The following PDE10A variants were observed in gnomAD, a reference collection of about 807,000 sequenced individuals.
PDE10A encodes the protein phosphodiesterase 10A.
In PDE10A, 39 loss-of-function variants were observed where a neutral mutation model predicts 97.7. That is an observed-to-expected ratio of 0.40 (90% CI 0.31 to 0.52). The LOEUF (loss-of-function observed/expected upper bound fraction) is 0.52. Ranked by LOEUF, PDE10A falls within the 20% of genes least tolerant of loss-of-function variation. PDE10A has a pLI of 0.56. For missense variants in PDE10A, 731 were observed against 1,047.8 expected (o/e 0.70, Z 4.17); for synonymous variants, 371 against 376.8 (o/e 0.98, Z 0.18).
At chr6:165,544,520 G>A (rs1783634560) in intron 1 of PDE10A, among the ~76,000 whole-genome samples, 1 of 149,048 alleles carries the variant, frequency 6.7e-6, no homozygotes, top group South Asian at 2.1e-4. Context: ...TTTTACTACT[G>A]TATCTTTTCT....
intron 18 of PDE10A, among the ~76,000 whole-genome samples, chr6:165,363,033 A>T (rs1159746450): frequency 1.3e-5 from 2 of 152,168 alleles, no homozygotes; most frequent in East Asian, 3.9e-4. Flanking sequence ...TAAAAAAAAT[A>T]AACACTCAAC....
Position 165,906,026 on chromosome 6 carries a change from T to TCCCC in PDE10A, c.-615+81502_-615+81503insGGGG, listed in dbSNP as rs1782263587. 9.6e-4 allele frequency among the ~76,000 whole-genome samples: 3 copies of TCCCC among 3,110 alleles called. 1 individual carries two copies. The highest frequency in any genetic ancestry group is 1.5e-3 in the Non-Finnish European group (3 of 2,008). The allele number at this position is 3,110 out of a possible 152,430, so 2.0% of individuals were successfully genotyped here. A position where few individuals can be genotyped will look rare whatever the true frequency, so the allele number is the denominator to read the frequency against. On this transcript the variant is annotated intron_variant, in intron 1 of 19. Coordinates refer to the PDE10A transcript ENST00000366882. ...TTCCTTCCTTCCTTCCCTCCCTCCC[T>TCCCC]TCCTTCCTTCCTTCCTTCCTTCCCT...
At chr6:165,955,708 A>C (rs1784115546) in intron 1 of PDE10A, among the ~76,000 whole-genome samples, 1 of 152,242 alleles carries the variant, frequency 6.6e-6, no homozygotes, top group Non-Finnish European at 1.5e-5. Flanking sequence ...TGACAAGAAA[A>C]AAACAACTAT....
chr6:165,841,818 T>A (rs1179080759), intron 1 of PDE10A, among the ~76,000 whole-genome samples: 1 of 152,226 alleles, frequency 6.6e-6, no homozygotes, highest in Non-Finnish European at 1.5e-5. Context: ...CTCTCTAGCT[T>A]CTCTGGGTGA....
chr6:165,772,507 C>CA (rs1778041380), intron 1 of PDE10A, among the ~76,000 whole-genome samples: 1 of 152,162 alleles, frequency 6.6e-6, no homozygotes, highest in East Asian at 1.9e-4. Context: ...CTCCTGTGTC[C>CA]AGGGCCCGCG....
intron 1 of PDE10A, among the ~76,000 whole-genome samples, chr6:165,895,848 T>C (rs1276722421): frequency 6.6e-6 from 1 of 152,148 alleles, no homozygotes; most frequent in African/African-American, 2.4e-5. Flanking sequence ...AGATGATGAA[T>C]TGTCCACCAG....
At chr6:165,892,600 C>T (rs944856987) in intron 1 of PDE10A, among the ~76,000 whole-genome samples, 3 of 152,198 alleles carry the variant, frequency 2.0e-5, no homozygotes, top group African/African-American at 4.8e-5. Flanking sequence ...GTTGTCCCTT[C>T]TGCAGGGCTT....
Position 165,328,357 on chromosome 6 carries a change from C to T in PDE10A, c.*4668G>A, listed in dbSNP as rs1781160480. On this transcript the variant is annotated 3_prime_UTR_variant, in exon 22 of 22. Coordinates refer to ENST00000539869, the MANE Select transcript of PDE10A (RefSeq NM_001385079.1). ...TTATACACTTTTAGAACCTAACTTA[C>T]AATAGAAACAAAACCCTTCTGCTTA... The T allele has an allele frequency of 2.0e-5, 3 of 152,204 alleles. No homozygotes were observed. 9.4% of individuals were successfully genotyped at this position (152,204 alleles called of 1,614,324 possible). A position where few individuals can be genotyped will look rare whatever the true frequency, so the allele number is the denominator to read the frequency against.
intron 2 of PDE10A, among the ~76,000 whole-genome samples, chr6:165,503,067 G>A (rs924905796): frequency 8.5e-5 from 13 of 152,068 alleles, no homozygotes; most frequent in Non-Finnish European, 1.5e-4. Context: ...GCTTGAACTC[G>A]ATGTGACGCA....
intron 1 of PDE10A, among the ~76,000 whole-genome samples, chr6:165,701,432 A>G (rs1484956696): frequency 6.6e-6 from 1 of 152,194 alleles, no homozygotes; most frequent in East Asian, 1.9e-4. Flanking sequence ...GGACCGGGCC[A>G]TTTTCTTTGA....
intron 2 of PDE10A, among the ~76,000 whole-genome samples, chr6:165,528,057 A>G (rs577793459): frequency 1.3e-5 from 2 of 152,328 alleles, no homozygotes; most frequent in Admixed American, 1.3e-4. Context: ...TGGAAGGAGA[A>G]ATGGCCAGAT....
At chr6:165,577,619 G>A (rs992221150) in intron 1 of PDE10A, among the ~76,000 whole-genome samples, 2 of 152,266 alleles carry the variant, frequency 1.3e-5, no homozygotes, top group Middle Eastern at 3.4e-3. Context: ...GTTCACCCCA[G>A]GTCCCCTCAC....
chr6:165,397,156 G>C (rs1786236379), intron 13 of PDE10A, among the ~76,000 whole-genome samples: 1 of 152,162 alleles, frequency 6.6e-6, no homozygotes, highest in South Asian at 2.1e-4. Context: ...ATCTGTATCT[G>C]TGTGCAAATG....
chr6:165,376,233 A>G (rs1047979894), intron 18 of PDE10A, among the ~76,000 whole-genome samples: 3 of 152,238 alleles, frequency 2.0e-5, no homozygotes, highest in Non-Finnish European at 4.4e-5. Context: ...CACAGGAGGT[A>G]GTCAAAGCTT....
At chr6:165,464,953 T>G (rs771470272) in intron 3 of PDE10A, among the ~76,000 whole-genome samples, 28 of 152,248 alleles carry the variant, frequency 1.8e-4, no homozygotes, top group Non-Finnish European at 3.4e-4. Flanking sequence ...CTATTATGAA[T>G]AAAGCCTGCT....
chr6:165,787,155 C>T (rs1380563654), intron 1 of PDE10A, among the ~76,000 whole-genome samples: 1 of 151,770 alleles, frequency 6.6e-6, no homozygotes, highest in Non-Finnish European at 1.5e-5. Flanking sequence ...TTAATAAATT[C>T]CCCAAGTAGA....
chr6:165,843,082 C>T (rs575535288), intron 1 of PDE10A, among the ~76,000 whole-genome samples: 1 of 152,340 alleles, frequency 6.6e-6, no homozygotes, highest in South Asian at 2.1e-4. Context: ...CTCAGCCCAC[C>T]TGACAGCGTA....
intron 3 of PDE10A, among the ~76,000 whole-genome samples, chr6:165,475,500 T>C (rs1779244397): frequency 6.6e-6 from 1 of 152,194 alleles, no homozygotes; most frequent in African/African-American, 2.4e-5. Flanking sequence ...TCAAGACAAT[T>C]TGGCTGGACA....
At chr6:165,615,623 A>C (rs1251744730) in intron 1 of PDE10A, among the ~76,000 whole-genome samples, 1 of 152,236 alleles carries the variant, frequency 6.6e-6, no homozygotes, top group East Asian at 1.9e-4. Flanking sequence ...TATTTAAAGT[A>C]AGTTTTATTT....
Sources: allele counts gnomAD v4.1 joint callset (sites outside exome capture counted in the v4.1 genomes callset), GRCh38; gene constraint gnomAD v4.1.1; transcripts MANE v1.5; gene names NCBI Gene and HGNC (gene_info 2026-07-23, HGNC 2026-07-21).